Variants in CTHRC1 observed in about 807,000 individuals in gnomAD.
The protein encoded by CTHRC1 is collagen triple helix repeat containing 1.
In CTHRC1, 21 loss-of-function variants were observed where a neutral mutation model predicts 25.9. That is an observed-to-expected ratio of 0.81 (90% CI 0.57 to 1.17). CTHRC1 has a LOEUF of 1.17. CTHRC1 is among the 50% of genes most tolerant of loss of function. CTHRC1 has a pLI of 0.00. For missense variants in CTHRC1, 281 were observed against 304.3 expected (o/e 0.92, Z 0.57); for synonymous variants, 109 against 113.1 (o/e 0.96, Z 0.23).
intron 1 of CTHRC1, among the ~76,000 whole-genome samples, chr8:103,375,110 C>T (rs1815781500): frequency 6.6e-6 from 1 of 152,108 alleles, no homozygotes; most frequent in Non-Finnish European, 1.5e-5. Flanking sequence ...AAATGTTATC[C>T]AAGCACTGCT....
Position 103,378,234 on chromosome 8 carries a change from ACTT to A in CTHRC1, c.586_588del (p.Ser196del). ...GAATTCAACAATTAATATTCATCGCACTTCTTCTGGTATGTAAAATTGTGACAT... is the reference window on the plus strand; with the variant it reads ...GAATTCAACAATTAATATTCATCGCACTTCTGGTATGTAAAATTGTGACAT... On this transcript the variant is annotated inframe_deletion, in exon 3 of 4. Transcript: ENST00000330295. 1 of 1,611,766 alleles carries A rather than the reference ACTT, an allele frequency of 6.2e-7. No homozygotes were observed. Among genetic ancestry groups the A allele is most frequent in the Non-Finnish European group, 8.5e-7 (1 of 1,179,120 alleles).
intron 1 of CTHRC1, among the ~76,000 whole-genome samples, chr8:103,373,011 T>G (rs140965033): frequency 6.6e-6 from 1 of 152,336 alleles, no homozygotes; most frequent in African/African-American, 2.4e-5. Context: ...GTAATTTTGA[T>G]CCACAAAAGG....
Position 103,382,449 on chromosome 8 carries a change from G to T in CTHRC1, c.590-9G>T. On this transcript the variant is annotated splice_polypyrimidine_tract_variant and intron_variant, in intron 3 of 3. Coordinates refer to ENST00000330295, the MANE Select transcript of CTHRC1 (RefSeq NM_138455.4). ...AAAGAAAGATGTAACTTTCATCTTT[G>T]TCTTGCAGTGGAAGGACTTTGTGAA... 6.2e-7 allele frequency: 1 copy of T among 1,613,652 alleles called. No homozygotes were observed. Among genetic ancestry groups the T allele is most frequent in the Non-Finnish European group, 8.5e-7 (1 of 1,179,708 alleles).
rs116908063 is a variant in CTHRC1, at chr8:103,379,950, G to A, written c.589+1707G>A. ...CCCAGGGAAATACAGCGTCTTACAC[G>A]GGACAGTAGAATCAGCGTTCAGGAG... On this transcript the variant is annotated intron_variant, in intron 3 of 3. Coordinates refer to ENST00000330295, the MANE Select transcript of CTHRC1 (RefSeq NM_138455.4). Among the ~76,000 whole-genome samples the A allele has an allele frequency of 7.8e-3, 1,190 of 152,230 alleles. 23 individuals are homozygous for A. The highest frequency in any genetic ancestry group is 6.7e-3 in the Non-Finnish European group (457 of 68,026).
intron 1 of CTHRC1, among the ~76,000 whole-genome samples, chr8:103,373,386 C>T (rs1261295114): frequency 6.6e-6 from 1 of 152,044 alleles, no homozygotes. Context: ...CAAAGCTCTG[C>T]CCCCTGGTGG....
intron 1 of CTHRC1, 36 bp from the exon 2 acceptor site, chr8:103,375,702 G>A (rs1413750725): frequency 6.5e-7 from 1 of 1,544,120 alleles, no homozygotes; most frequent in Non-Finnish European, 9.0e-7. Flanking sequence ...CTCTTAAGTG[G>A]TGAGAGTTTT....
At chr8:103,379,470 A>C (rs1386489369) in intron 3 of CTHRC1, among the ~76,000 whole-genome samples, 1 of 148,142 alleles carries the variant, frequency 6.8e-6, no homozygotes, top group Non-Finnish European at 1.5e-5. Flanking sequence ...AGAAAATAGA[A>C]GAGTTAAAAA....
At chr8:103,372,843 T>G (rs1815733612) in intron 1 of CTHRC1, among the ~76,000 whole-genome samples, 1 of 136,606 alleles carries the variant, frequency 7.3e-6, no homozygotes, top group African/African-American at 2.6e-5. Flanking sequence ...GTTGGGGCAT[T>G]TTTTTTTAAT....
Position 103,378,063 on chromosome 8 carries a change from C to G in CTHRC1, c.409C>G (p.Leu137Val), listed in dbSNP as rs370183649. Residue 137 changes from leucine to valine, a missense_variant, in exon 3 of 4, where the codon CTA becomes GTA. Physicochemically the swap from Leu to Val is conservative, Grantham distance 32. Transcript: ENST00000330295. ...TACAAAGATGCGTTCAAATAGTGCTCTAAGAGTTTTGTTCAGTGGCTCACT... is the reference window on the plus strand; with the variant it reads ...TACAAAGATGCGTTCAAATAGTGCTGTAAGAGTTTTGTTCAGTGGCTCACT... ...TFTKMRSNSA[L>V]RVLFSGSLRL... 3 of 1,614,088 alleles carry G rather than the reference C, an allele frequency of 1.9e-6. No homozygotes were observed. The highest frequency in any genetic ancestry group is 1.3e-5 in the African/African-American group (1 of 75,038).
intron 3 of CTHRC1, among the ~76,000 whole-genome samples, chr8:103,380,743 T>C (rs3098228): frequency 0.084 from 12,783 of 152,266 alleles, 590 homozygotes; most frequent in South Asian, 0.16. Flanking sequence ...CTGACGTCCT[T>C]AGGCCGTAGG....
At chr8:103,376,104 AT>A (rs1815802904) in intron 2 of CTHRC1, 145 bp downstream of exon 2, 1 of 683,856 alleles carries the variant, frequency 1.5e-6, no homozygotes, top group East Asian at 2.7e-5. Flanking sequence ...TTTAAAACTA[AT>A]GAAAAAGTTT....
At chr8:103,380,379 G>A (rs993396139) in intron 3 of CTHRC1, among the ~76,000 whole-genome samples, 5 of 152,186 alleles carry the variant, frequency 3.3e-5, no homozygotes, top group African/African-American at 9.7e-5. Context: ...ATTAATAACA[G>A]TTTTTGTATT....
chr8:103,373,465 C>A (rs141043604), intron 1 of CTHRC1, among the ~76,000 whole-genome samples: 3 of 150,852 alleles, frequency 2.0e-5, no homozygotes, highest in African/African-American at 7.3e-5. Flanking sequence ...ATTCCACAGA[C>A]ATTTATTGAG....
In CTHRC1 at chr8:103,376,038, A is replaced by AT. The variant is rs540047490; in HGVS notation, c.372+88dup. On this transcript the variant is annotated intron_variant, in intron 2 of 3. Coordinates refer to ENST00000330295, the MANE Select transcript of CTHRC1 (RefSeq NM_138455.4). The stretch of plus-strand genomic sequence containing the variant: ...AGTGTTAATTTTTAGGTGACATTTT[A>AT]TTTTTTTTTAACTAAAAGACTTAAA... 2.5e-3 allele frequency: 2,718 copies of AT among 1,105,922 alleles called. 9 individuals are homozygous for AT. Among genetic ancestry groups the AT allele is most frequent in the African/African-American group, 0.018 (1,149 of 63,206 alleles). 68.5% of individuals were successfully genotyped at this position (1,105,922 alleles called of 1,614,324 possible). A position where few individuals can be genotyped will look rare whatever the true frequency, so the allele number is the denominator to read the frequency against.
chr8:103,372,823 C>G (rs1436519641), intron 1 of CTHRC1, among the ~76,000 whole-genome samples: 1 of 151,972 alleles, frequency 6.6e-6, no homozygotes, highest in Non-Finnish European at 1.5e-5. Flanking sequence ...ACAGGCATTG[C>G]AAGACATAAG....
intron 2 of CTHRC1, chr8:103,377,031 C>T (rs985317519): frequency 1.3e-5 from 2 of 152,172 alleles, no homozygotes; most frequent in African/African-American, 4.8e-5. Context: ...CTTGTGGGTT[C>T]TGAATTATTA....
Position 103,378,787 on chromosome 8 carries a change from G to A in CTHRC1, c.589+544G>A, listed in dbSNP as rs77434982. ...TCCCAGCACTTTGGGAGGCTGAGAC[G>A]GGCAATCACTTGAGCCTAGCAGTTT... On this transcript the variant is annotated intron_variant, in intron 3 of 3. Transcript: ENST00000330295. 9.2e-3 allele frequency among the ~76,000 whole-genome samples: 1,404 copies of A among 152,196 alleles called. 21 individuals are homozygous for A. The highest frequency in any genetic ancestry group is 0.031 in the African/African-American group (1,288 of 41,526).
chr8:103,380,096 A>G (rs1028694304), intron 3 of CTHRC1, among the ~76,000 whole-genome samples: 3 of 152,250 alleles, frequency 2.0e-5, no homozygotes, highest in African/African-American at 7.2e-5. Flanking sequence ...CCATCTAAGA[A>G]ATAGTCTTTA....
chr8:103,372,589 G>A (rs947396205), intron 1 of CTHRC1: 2 of 1,598,288 alleles, frequency 1.3e-6, no homozygotes, highest in Admixed American at 3.3e-5. Context: ...GTCAAGCTAC[G>A]GGAGAAAACA....
Sources: allele counts gnomAD v4.1 joint callset (sites outside exome capture counted in the v4.1 genomes callset), GRCh38; gene constraint gnomAD v4.1.1; transcripts MANE v1.5; gene names NCBI Gene and HGNC (gene_info 2026-07-23, HGNC 2026-07-21).